SBF2: variants seen among roughly 807,000 people sequenced by gnomAD.
The protein encoded by SBF2 is SET binding factor 2.
SBF2 carries 112 observed loss-of-function variants against 225.2 expected under a neutral mutation model. The observed-to-expected ratio is 0.50, with a 90% CI of 0.43 to 0.58. The LOEUF (loss-of-function observed/expected upper bound fraction) is 0.58. Among genes scored for constraint, SBF2 ranks in the 20% least tolerant of loss-of-function variants. SBF2 has a pLI of 0.00. For synonymous variants in SBF2, 763 were observed against 773.3 expected (o/e 0.99, Z 0.22); for missense variants, 1,996 against 2,206.2 (o/e 0.90, Z 1.91).
chr11:10,010,656 T>G (rs970806558), intron 6 of SBF2, among the ~76,000 whole-genome samples: 7 of 152,232 alleles, frequency 4.6e-5, no homozygotes, highest in African/African-American at 1.7e-4. Context: ...TAGTATAGTT[T>G]GAGGTCAGGT....
chr11:10,147,050 G>GC (rs1954920815), intron 2 of SBF2, among the ~76,000 whole-genome samples: 3 of 124,338 alleles, frequency 2.4e-5, no homozygotes, highest in African/African-American at 9.1e-5. Flanking sequence ...TTATTAAAAA[G>GC]TAAAAAAAAA....
At chr11:10,094,756 G>A (rs948425295) in intron 2 of SBF2, among the ~76,000 whole-genome samples, 20 of 151,516 alleles carry the variant, frequency 1.3e-4, no homozygotes, top group African/African-American at 4.6e-4. Context: ...CACCCGCCTC[G>A]GCCTCCTTAA....
At chr11:9,822,533 T>C (rs921213159) in intron 28 of SBF2, among the ~76,000 whole-genome samples, 7 of 152,208 alleles carry the variant, frequency 4.6e-5, no homozygotes, top group East Asian at 1.9e-4. Flanking sequence ...GTGCTGGGAT[T>C]ACAGGCGTGA....
chr11:9,801,581 AGAGTGTATAGCT>A (rs1000684922), intron 32 of SBF2, among the ~76,000 whole-genome samples: 2 of 152,238 alleles, frequency 1.3e-5, no homozygotes, highest in African/African-American at 2.4e-5. Flanking sequence ...AGACCCTAGG[AGAGTGTATAGCT>A]AATATTAATT....
intron 1 of SBF2, among the ~76,000 whole-genome samples, chr11:10,263,235 C>T (rs1271157672): frequency 6.6e-6 from 1 of 151,842 alleles, no homozygotes; most frequent in East Asian, 1.9e-4. Flanking sequence ...AAAATAAGCA[C>T]ATTATTCATA....
intron 1 of SBF2, among the ~76,000 whole-genome samples, chr11:10,277,723 A>G (rs1487221092): frequency 6.6e-6 from 1 of 152,212 alleles, no homozygotes; most frequent in Non-Finnish European, 1.5e-5. Flanking sequence ...AGATTTGGAC[A>G]CAGTAACAGA....
chr11:9,935,821 G>A (rs1180963091), intron 16 of SBF2, among the ~76,000 whole-genome samples: 1 of 152,184 alleles, frequency 6.6e-6, no homozygotes, highest in African/African-American at 2.4e-5. Context: ...ATGGATTAAA[G>A]ACTTAAATGT....
At chr11:10,179,026 G>A (rs1956605527) in intron 2 of SBF2, among the ~76,000 whole-genome samples, 1 of 144,270 alleles carries the variant, frequency 6.9e-6, no homozygotes, top group Non-Finnish European at 1.5e-5. Context: ...AAAAAATGAT[G>A]AGTTCATGTC....
intron 1 of SBF2, among the ~76,000 whole-genome samples, chr11:10,226,712 C>G (rs1004092093): frequency 1.3e-5 from 2 of 152,164 alleles, no homozygotes; most frequent in African/African-American, 4.8e-5. Flanking sequence ...GTCACATTTT[C>G]TTAATCCAGT....
intron 1 of SBF2, among the ~76,000 whole-genome samples, chr11:10,251,823 A>T (rs557151844): frequency 6.6e-6 from 1 of 152,338 alleles, no homozygotes; most frequent in East Asian, 1.9e-4. Context: ...GTAACCTATG[A>T]ATGATGTGCA....
chr11:10,013,408 A>G (rs1444327966), intron 6 of SBF2, among the ~76,000 whole-genome samples: 3 of 152,358 alleles, frequency 2.0e-5, no homozygotes, highest in South Asian at 4.1e-4. Flanking sequence ...CAACCACCAG[A>G]TAAGAATGCT....
At chr11:10,294,912 C>T (rs1249501315), upstream of SBF2, among the ~76,000 whole-genome samples, 1 of 152,262 alleles carries the variant, frequency 6.6e-6, no homozygotes, top group Non-Finnish European at 1.5e-5. Flanking sequence ...TCCCAGGGCT[C>T]TCGCAGCCCG....
intron 2 of SBF2, among the ~76,000 whole-genome samples, chr11:10,174,008 T>A (rs1177302711): frequency 6.6e-6 from 1 of 151,870 alleles, no homozygotes; most frequent in East Asian, 1.9e-4. Flanking sequence ...AAAACCCATC[T>A]GTACATCACC....
intron 2 of SBF2, among the ~76,000 whole-genome samples, chr11:10,080,922 A>G (rs1951340725): frequency 6.6e-6 from 1 of 152,198 alleles, no homozygotes; most frequent in African/African-American, 2.4e-5. Context: ...AATCCTAAAT[A>G]TATATGGACC....
rs368968086 is a variant in SBF2, at chr11:9,911,938, G to A, written c.1861-15927C>T. On this transcript the variant is annotated intron_variant, in intron 16 of 39. Transcript: ENST00000256190. ...CGCTAACCAAGCTTGTCCAACACGC[G>A]GCCCACAGGCCACATGCAGCCCAGG... is the stretch of plus-strand genomic sequence containing the variant. 1.1e-4 allele frequency among the ~76,000 whole-genome samples: 16 copies of A among 152,332 alleles called. No homozygotes were observed. The East Asian group carries it at 1.3e-3, about 13-fold the overall frequency.
intron 14 of SBF2, among the ~76,000 whole-genome samples, chr11:9,965,745 T>TGA: frequency 6.6e-6 from 1 of 152,336 alleles, no homozygotes; most frequent in East Asian, 1.9e-4. Context: ...ATACAATGAA[T>TGA]GAGACTATAG....
chr11:10,169,613 C>G (rs1565310168), intron 2 of SBF2, among the ~76,000 whole-genome samples: 1 of 152,144 alleles, frequency 6.6e-6, no homozygotes, highest in Non-Finnish European at 1.5e-5. Context: ...AAATCTTGGC[C>G]ATTGTGAATA....
chr11:10,181,409 T>C (rs10500720), intron 2 of SBF2, among the ~76,000 whole-genome samples: 14,482 of 152,110 alleles, frequency 0.095, 939 homozygotes, highest in East Asian at 0.28. Flanking sequence ...TTTGGTTTTC[T>C]AAATCTTAAC....
At chr11:10,283,449 C>T (rs1963544817) in intron 1 of SBF2, among the ~76,000 whole-genome samples, 1 of 151,950 alleles carries the variant, frequency 6.6e-6, no homozygotes, top group Admixed American at 6.6e-5. Context: ...GCTTGTCTCT[C>T]TCATAGTGCT....
Sources: gnomAD v4.1 joint callset for allele counts (sites outside exome capture counted in the v4.1 genomes callset) on GRCh38, gnomAD v4.1.1 for gene constraint, MANE v1.5 for transcripts, NCBI Gene and HGNC (gene_info 2026-07-23, HGNC 2026-07-21) for gene names.